The following SGCD variants were observed in gnomAD, a reference collection of about 807,000 sequenced individuals.
SGCD encodes sarcoglycan delta.
Under a neutral mutation model 36.6 loss-of-function variants are expected in SGCD, and 18 were observed. That is an observed-to-expected ratio of 0.49 (90% CI 0.34 to 0.73). The LOEUF (loss-of-function observed/expected upper bound fraction) is 0.73, where lower values mean the gene tolerates loss of function less well. SGCD is among the 30% of genes least tolerant of loss of function. The pLI, the probability that SGCD is intolerant of heterozygous loss-of-function variation, is 0.01. For missense variants in SGCD, 387 were observed against 346.7 expected (o/e 1.12, Z -0.92); for synonymous variants, 133 against 130.6 (o/e 1.02, Z -0.12).
chr5:156,692,706 T>C (rs955751334), intron 7 of SGCD, among the ~76,000 whole-genome samples: 6 of 152,200 alleles, frequency 3.9e-5, no homozygotes, highest in African/African-American at 1.4e-4. Flanking sequence ...ATAAAATAAA[T>C]GCTTTTAAAT....
chr5:156,441,807 A>G (rs568387562), intron 3 of SGCD, among the ~76,000 whole-genome samples: 5 of 152,290 alleles, frequency 3.3e-5, no homozygotes, highest in African/African-American at 1.2e-4. Context: ...TTATTAGGAC[A>G]TCATGAAACC....
At chr5:156,509,250 C>A (rs1457980483) in intron 4 of SGCD, among the ~76,000 whole-genome samples, 1 of 152,028 alleles carries the variant, frequency 6.6e-6, no homozygotes, top group Non-Finnish European at 1.5e-5. Flanking sequence ...CATAGTGAAA[C>A]CCTGTCTCTA....
At chr5:156,710,327 G>A (rs905845706) in intron 7 of SGCD, among the ~76,000 whole-genome samples, 2 of 152,126 alleles carry the variant, frequency 1.3e-5, no homozygotes, top group African/African-American at 4.8e-5. Flanking sequence ...ATACCCTGTG[G>A]CAGTATTACT....
chr5:155,802,342 A>G, the SGCD span, among the ~76,000 whole-genome samples: 1 of 152,332 alleles, frequency 6.6e-6, no homozygotes, highest in African/African-American at 2.4e-5. Flanking sequence ...TCCTGGCTCC[A>G]GTCTTCCTCC....
At chr5:156,695,704 G>A (rs1754296024) in intron 7 of SGCD, among the ~76,000 whole-genome samples, 1 of 152,156 alleles carries the variant, frequency 6.6e-6, no homozygotes, top group African/African-American at 2.4e-5. Context: ...TAAACAGCAA[G>A]AAAGTAAGTA....
intron 1 of SGCD, among the ~76,000 whole-genome samples, chr5:156,073,036 A>C (rs897115179): frequency 2.0e-5 from 3 of 151,872 alleles, no homozygotes; most frequent in African/African-American, 7.3e-5. Context: ...ATTCATCTAA[A>C]TTTTTTTCAA....
the SGCD span, among the ~76,000 whole-genome samples, chr5:155,778,766 C>T: frequency 2.6e-4 from 39 of 152,034 alleles, no homozygotes; most frequent in Admixed American, 6.6e-4. Context: ...CTTTTTTCTC[C>T]GACTCTATCT....
At chr5:155,816,420 C>T in the SGCD span, among the ~76,000 whole-genome samples, 1 of 152,108 alleles carries the variant, frequency 6.6e-6, no homozygotes, top group African/African-American at 2.4e-5. Context: ...AATAAAGTTA[C>T]TATTTATTAA....
At chr5:156,403,465 T>TTCC (rs1772257004) in intron 3 of SGCD, among the ~76,000 whole-genome samples, 1 of 152,194 alleles carries the variant, frequency 6.6e-6, no homozygotes, top group African/African-American at 2.4e-5. Flanking sequence ...ACCTCCACAA[T>TTCC]TCCTCATGTT....
intron 1 of SGCD, among the ~76,000 whole-genome samples, chr5:156,106,158 C>T (rs1022599593): frequency 7.6e-6 from 1 of 130,722 alleles, no homozygotes; most frequent in Non-Finnish European, 1.6e-5. Context: ...GAGAATAATA[C>T]TGTGTTGGTA....
At chr5:156,620,857 A>T (rs973794977) in intron 6 of SGCD, among the ~76,000 whole-genome samples, 2 of 152,236 alleles carry the variant, frequency 1.3e-5, no homozygotes, top group African/African-American at 4.8e-5. Flanking sequence ...CCCTCCCAGG[A>T]ACTTTCCTGG....
intron 7 of SGCD, among the ~76,000 whole-genome samples, chr5:156,727,557 TCAG>T (rs2113797157): frequency 6.6e-6 from 1 of 152,310 alleles, no homozygotes; most frequent in African/African-American, 2.4e-5. Flanking sequence ...TAGCAAAAAC[TCAG>T]CAGAAGTTGG....
At chr5:155,811,706 A>C in the SGCD span, among the ~76,000 whole-genome samples, 6 of 152,198 alleles carry the variant, frequency 3.9e-5, no homozygotes, top group East Asian at 1.2e-3. Flanking sequence ...AGACACACAC[A>C]AGATAGTGAA....
chr5:156,276,310 A>G (rs1766317478), intron 3 of SGCD, among the ~76,000 whole-genome samples: 1 of 152,212 alleles, frequency 6.6e-6, no homozygotes, highest in Non-Finnish European at 1.5e-5. Flanking sequence ...AGACAGGTCA[A>G]AATTATGAAA....
intron 1 of SGCD, among the ~76,000 whole-genome samples, chr5:155,935,509 TG>T (rs914819290): frequency 3.3e-5 from 5 of 152,172 alleles, no homozygotes; most frequent in Non-Finnish European, 7.4e-5. Flanking sequence ...AAAAGAATAA[TG>T]AGATAGAAAG....
At chr5:155,868,481 C>T (rs897072455), upstream of SGCD, among the ~76,000 whole-genome samples, 8 of 149,228 alleles carry the variant, frequency 5.4e-5, no homozygotes, top group South Asian at 2.1e-4. Context: ...GTGAGGCTTA[C>T]AGGTTTGAAC....
chr5:155,771,970 G>A, the SGCD span, among the ~76,000 whole-genome samples: 19 of 152,168 alleles, frequency 1.2e-4, no homozygotes, highest in Non-Finnish European at 2.5e-4. Context: ...AGATATAATT[G>A]AGAAGTTTCT....
chr5:156,625,376 A>G (rs1348796552), intron 6 of SGCD, among the ~76,000 whole-genome samples: 2 of 152,226 alleles, frequency 1.3e-5, no homozygotes, highest in African/African-American at 4.8e-5. Flanking sequence ...TGATAAAATA[A>G]TGTATGTTTG....
At chr5:156,547,176 A>C (rs1758608396) in intron 4 of SGCD, among the ~76,000 whole-genome samples, 1 of 152,132 alleles carries the variant, frequency 6.6e-6, no homozygotes, top group Non-Finnish European at 1.5e-5. Context: ...AACTATGATA[A>C]TACATTTGGG....
Sources: allele counts gnomAD v4.1 joint callset (sites outside exome capture counted in the v4.1 genomes callset), GRCh38; gene constraint gnomAD v4.1.1; transcripts MANE v1.5; gene names NCBI Gene and HGNC (gene_info 2026-07-23, HGNC 2026-07-21).